The following ARHGAP26 variants were observed in gnomAD, a reference collection of about 807,000 sequenced individuals.
ARHGAP26 encodes the protein Rho GTPase activating protein 26, also known as rho GTPase-activating protein 26.
A neutral mutation model predicts 104.8 loss-of-function variants in ARHGAP26; 38 were observed. The observed-to-expected ratio is 0.36, with a 90% confidence interval of 0.28 to 0.48. The LOEUF (loss-of-function observed/expected upper bound fraction) is 0.48, where lower values mean the gene tolerates loss of function less well. Ranked by LOEUF, ARHGAP26 falls within the 20% of genes least tolerant of loss-of-function variation. The probability of loss-of-function intolerance (pLI) is 0.99; values close to 1 mark genes in which losing one functional copy is unlikely to be tolerated. For synonymous variants in ARHGAP26, 341 were observed against 340.0 expected (o/e 1.00, Z -0.03); for missense variants, 704 against 947.9 (o/e 0.74, Z 3.38).
At chr5:143,003,273 A>G (rs1346591942) in intron 11 of ARHGAP26, among the ~76,000 whole-genome samples, 1 of 152,216 alleles carries the variant, frequency 6.6e-6, no homozygotes, top group African/African-American at 2.4e-5. Flanking sequence ...TCTTGAAACT[A>G]TATCAGCTTA....
At chr5:142,896,757 C>T (rs1335528633) in intron 6 of ARHGAP26, among the ~76,000 whole-genome samples, 2 of 152,178 alleles carry the variant, frequency 1.3e-5, no homozygotes, top group Non-Finnish European at 2.9e-5. Context: ...TAAATCCCAG[C>T]CTAGCCATTT....
chr5:143,158,659 A>G (rs1235847730), intron 20 of ARHGAP26, among the ~76,000 whole-genome samples: 1 of 152,216 alleles, frequency 6.6e-6, no homozygotes, highest in Admixed American at 6.5e-5. Context: ...CTTCCTTCAC[A>G]AGGAAGCAGT....
intron 4 of ARHGAP26, among the ~76,000 whole-genome samples, chr5:142,881,504 T>A (rs1458474751): frequency 6.6e-6 from 1 of 152,184 alleles, no homozygotes; most frequent in Non-Finnish European, 1.5e-5. Context: ...TTTCCCCTCA[T>A]GCATATTCTA....
intron 1 of ARHGAP26, among the ~76,000 whole-genome samples, chr5:142,786,771 C>T (rs983753210): frequency 2.7e-5 from 4 of 150,820 alleles, no homozygotes; most frequent in African/African-American, 4.9e-5. Context: ...CTCAGCCTCC[C>T]GAGTAGCTGG....
intron 11 of ARHGAP26, among the ~76,000 whole-genome samples, chr5:142,990,288 G>T (rs142841405): frequency 6.6e-6 from 1 of 152,166 alleles, no homozygotes; most frequent in African/African-American, 2.4e-5. Flanking sequence ...TTCTTGTGCC[G>T]TGGTTTTCAG....
At chr5:142,822,687 C>A in intron 1 of ARHGAP26, among the ~76,000 whole-genome samples, 1 of 152,134 alleles carries the variant, frequency 6.6e-6, no homozygotes, top group South Asian at 2.1e-4. Context: ...ATATTCATGT[C>A]ACAATTAAAG....
At chr5:142,967,377 G>A (rs1221566985) in intron 11 of ARHGAP26, among the ~76,000 whole-genome samples, 2 of 152,138 alleles carry the variant, frequency 1.3e-5, no homozygotes, top group Admixed American at 6.5e-5. Flanking sequence ...CCCAGCCTCC[G>A]ATACCCACCC....
chr5:142,822,742 G>A (rs2152079977), intron 1 of ARHGAP26, among the ~76,000 whole-genome samples: 1 of 152,318 alleles, frequency 6.6e-6, no homozygotes, highest in African/African-American at 2.4e-5. Flanking sequence ...TGGATTGTGT[G>A]TGCTTCTTAC....
chr5:143,107,128 G>A (rs1794134939), intron 17 of ARHGAP26, among the ~76,000 whole-genome samples: 1 of 152,162 alleles, frequency 6.6e-6, no homozygotes, highest in Admixed American at 6.5e-5. Context: ...GCCCAGAAGG[G>A]TGCATGGCAT....
At chr5:143,202,429 T>A (rs932127954) in intron 20 of ARHGAP26, 12 of 151,982 alleles carry the variant, frequency 7.9e-5, no homozygotes, top group African/African-American at 2.4e-4. Context: ...CACAAACAAA[T>A]GGAAAAACAT....
intron 12 of ARHGAP26, among the ~76,000 whole-genome samples, chr5:143,033,188 C>T (rs941985917): frequency 1.3e-5 from 2 of 152,216 alleles, no homozygotes; most frequent in African/African-American, 2.4e-5. Context: ...CTGGATTACA[C>T]ATGTCATATG....
At chr5:143,012,537 TTATATACATACATACATATATATATATA>T (rs1325046897) in intron 11 of ARHGAP26, among the ~76,000 whole-genome samples, 1 of 17,644 alleles carries the variant, frequency 5.7e-5, no homozygotes, top group Non-Finnish European at 1.5e-4. Context: ...AGGGATATAT[TTATATACATACATACATATATATATATA>T]TATATATATA....
At chr5:142,862,209 A>G (rs751848837) in intron 1 of ARHGAP26, among the ~76,000 whole-genome samples, 34 of 152,246 alleles carry the variant, frequency 2.2e-4, no homozygotes, top group African/African-American at 6.7e-4. Flanking sequence ...TGCTTGCCCA[A>G]ATTTGTTCAG....
At chr5:142,797,371 GT>G (rs1207223473) in intron 1 of ARHGAP26, among the ~76,000 whole-genome samples, 1 of 152,214 alleles carries the variant, frequency 6.6e-6, no homozygotes, top group Non-Finnish European at 1.5e-5. Context: ...GTTGCAAGTA[GT>G]TTTGTTCATT....
chr5:142,831,187 T>C (rs748495801), intron 1 of ARHGAP26, among the ~76,000 whole-genome samples: 28 of 152,184 alleles, frequency 1.8e-4, no homozygotes, highest in Non-Finnish European at 3.5e-4. Flanking sequence ...CTCTCAGGGA[T>C]TCCACTGATC....
At chr5:142,856,436 A>G (rs898238825) in intron 1 of ARHGAP26, among the ~76,000 whole-genome samples, 1 of 152,226 alleles carries the variant, frequency 6.6e-6, no homozygotes, top group Admixed American at 6.5e-5. Context: ...GACCACCCAC[A>G]GTGTTGAAAG....
chr5:142,856,965 ATCAGAGTG>A (rs1458800507), intron 1 of ARHGAP26, among the ~76,000 whole-genome samples: 5 of 152,332 alleles, frequency 3.3e-5, no homozygotes, highest in East Asian at 1.9e-4. Flanking sequence ...GAAATCTGAA[ATCAGAGTG>A]TCAACAGGGC....
At chr5:143,088,958 T>C (rs781180721) in intron 17 of ARHGAP26, among the ~76,000 whole-genome samples, 11 of 151,874 alleles carry the variant, frequency 7.2e-5, no homozygotes, top group Non-Finnish European at 1.2e-4. Flanking sequence ...AGCAGGTAAT[T>C]GGAATGAGTT....
In ARHGAP26 at chr5:143,120,948, G is replaced by A. The variant is rs371236666; in HGVS notation, c.1539-40G>A. 73 of 1,591,376 alleles carry A rather than the reference G, an allele frequency of 4.6e-5. No individual in the cohort carries two copies. The Middle Eastern group carries it at 1.5e-3, about 33-fold the overall frequency. On this transcript the variant is annotated intron_variant, in intron 17 of 22. Coordinates refer to ENST00000645722, the MANE Select transcript of ARHGAP26 (RefSeq NM_001135608.3). ...GGGTGGTTGGTATCTCTGTGTACACGATTTGTCTCATTGGTACCTTTTCTT... is the reference window on the plus strand; with the variant it reads ...GGGTGGTTGGTATCTCTGTGTACACAATTTGTCTCATTGGTACCTTTTCTT...
Sources: allele counts gnomAD v4.1 joint callset (sites outside exome capture counted in the v4.1 genomes callset), GRCh38; gene constraint gnomAD v4.1.1; transcripts MANE v1.5; gene names NCBI Gene and HGNC (gene_info 2026-07-23, HGNC 2026-07-21).